The following OPTN variants were observed in gnomAD, a reference collection of about 807,000 sequenced individuals.
OPTN encodes optineurin, also known as E3-14.7K-interacting protein.
OPTN carries 54 observed loss-of-function variants against 70.4 expected under a neutral mutation model. The observed-to-expected ratio is 0.77, with a 90% CI of 0.62 to 0.96. The LOEUF is 0.96. Ranked by LOEUF, OPTN falls within the 40% of genes least tolerant of loss-of-function variation. The pLI is 0.00. For missense variants in OPTN, 624 were observed against 673.2 expected (o/e 0.93, Z 0.81); for synonymous variants, 256 against 248.5 (o/e 1.03, Z -0.28).
In OPTN at chr10:13,114,807, T is replaced by C. The variant is rs1384399533; in HGVS notation, c.553-1460T>C. ...ATAATTATATAATTATATATACATA[T>C]ATATAATTATATAATTATATAATTA... is the stretch of plus-strand genomic sequence containing the variant. On this transcript the variant is annotated intron_variant, in intron 5 of 14. Coordinates refer to ENST00000378747, the MANE Select transcript of OPTN (RefSeq NM_001008212.2). Among the ~76,000 whole-genome samples the C allele has an allele frequency of 4.5e-3, 36 of 7,954 alleles. 2 individuals carry two copies. Among genetic ancestry groups the C allele is most frequent in the South Asian group, 0.035 (11 of 310 alleles). 5.2% of individuals were successfully genotyped at this position (7,954 alleles called of 152,430 possible).
chr10:13,119,086 T>C (rs774127540), intron 7 of OPTN, 46 bp downstream of exon 7: 12 of 1,539,368 alleles, frequency 7.8e-6, no homozygotes, highest in Non-Finnish European at 1.1e-5. Context: ...TAAAACAGCT[T>C]TCCTGAGATA....
chr10:13,109,030 T>G, intron 2 of OPTN, 82 bp from the exon 3 acceptor site: 1 of 1,261,634 alleles, frequency 7.9e-7, no homozygotes, highest in Non-Finnish European at 1.2e-6. Context: ...GTATTAGCAA[T>G]CGCCAATGGG....
Position 13,125,930 on chromosome 10 carries a change from A to G in OPTN, c.1149-16A>G, listed in dbSNP as rs1477175827. 3 of 1,569,886 alleles carry G rather than the reference A, an allele frequency of 1.9e-6. No individual in the cohort carries two copies. Among genetic ancestry groups the G allele is most frequent in the Non-Finnish European group, 2.6e-6 (3 of 1,140,038 alleles). ...ATTTTCCCCAGGATTCCATTTTTTA[A>G]TATCTTTTTTAATAGGTCCAAATTA... is the stretch of plus-strand genomic sequence containing the variant. On this transcript the variant is annotated splice_polypyrimidine_tract_variant and intron_variant, in intron 10 of 14. Transcript: ENST00000378747.
In OPTN at chr10:13,136,894, G is replaced by C. The variant is rs1564370997; in HGVS notation, c.*28G>C. ...GTTGATGTATCACCTCCCCAAAACT[G>C]TTGGTAAATGTCAGATTTTTTCCTC... On this transcript the variant is annotated 3_prime_UTR_variant, in exon 15 of 15. Coordinates refer to ENST00000378747, the MANE Select transcript of OPTN (RefSeq NM_001008212.2). The C allele has an allele frequency of 6.2e-7, 1 of 1,613,916 alleles. No individual in the cohort carries two copies. The highest frequency in any genetic ancestry group is 8.5e-7 in the Non-Finnish European group (1 of 1,179,836).
chr10:13,129,325 G>A (rs1353975697), intron 12 of OPTN, among the ~76,000 whole-genome samples: 1 of 150,624 alleles, frequency 6.6e-6, no homozygotes, highest in Non-Finnish European at 1.5e-5. Context: ...CTTTGCTCTG[G>A]TACCATGCTG....
intron 1 of OPTN, among the ~76,000 whole-genome samples, chr10:13,105,337 T>C (rs1247103398): frequency 6.6e-6 from 1 of 152,216 alleles, no homozygotes; most frequent in African/African-American, 2.4e-5. Context: ...TTGTGGTCTT[T>C]CTAGAAACTA....
At position 13,136,848 on chromosome 10, in the gene OPTN, G is replaced by A. The variant is rs780161157; in HGVS notation, c.1716G>A (p.Val572=). ...LPDIDTLQIH[V]MDCII is the part of the protein sequence containing the mutation. Reference sequence around the variant, plus strand: ...ACATAGACACGTTACAGATTCACGTGATGGATTGCATCATTTAAGTGTTGA... The same window carrying A: ...ACATAGACACGTTACAGATTCACGTAATGGATTGCATCATTTAAGTGTTGA... Residue 572 remains valine, a synonymous_variant, in exon 15 of 15, where the codon GTG becomes GTA. Transcript: ENST00000378747. 3.7e-6 allele frequency: 6 copies of A among 1,614,216 alleles called. No individual in the cohort carries two copies. The South Asian group carries it at 6.6e-5, about 18-fold the overall frequency.
At chr10:13,134,876 G>A (rs141881593) in intron 14 of OPTN, among the ~76,000 whole-genome samples, 1,725 of 152,324 alleles carry the variant, frequency 0.011, 11 homozygotes, top group Admixed American at 0.016. Flanking sequence ...CATTTATTCA[G>A]CAGATACTTT....
chr10:13,133,798 C>T (rs1042919947), intron 14 of OPTN, among the ~76,000 whole-genome samples: 2 of 152,002 alleles, frequency 1.3e-5, no homozygotes, highest in African/African-American at 2.4e-5. Context: ...CTGGCACGGC[C>T]ACACTTTTTC....
rs1564358703 is a variant in OPTN at position 13,114,792 on chromosome 10, AAT to A, written c.553-1474_553-1473del. Among the ~76,000 whole-genome samples, 182 of 104,080 alleles carry A rather than the reference AAT, an allele frequency of 1.7e-3. 12 individuals are homozygous for A. The highest frequency in any genetic ancestry group is 2.9e-3 in the Non-Finnish European group (159 of 55,472). The allele number at this position is 104,080 out of a possible 152,430, so 68.3% of individuals were successfully genotyped here. ...TAATTATATAATTATATAATTATAT[AAT>A]TATATATACATATATATAATTATAT... On this transcript the variant is annotated intron_variant, in intron 5 of 14. Transcript: ENST00000378747.
In OPTN at chr10:13,136,909, A is replaced by AT. The variant is rs777606067; in HGVS notation, c.*49dup. On this transcript the variant is annotated 3_prime_UTR_variant, in exon 15 of 15. Transcript: ENST00000378747. ...CCCCAAAACTGTTGGTAAATGTCAG[A>AT]TTTTTTCCTCCAAGAGTTGTGCTTT... is the stretch of plus-strand genomic sequence containing the variant. The AT allele has an allele frequency of 6.2e-6, 10 of 1,612,660 alleles. No individual in the cohort carries two copies. In the South Asian group the frequency reaches 9.9e-5, roughly 16 times the overall value.
At chr10:13,114,764 ATATAATTATATAATTATATAAT>A (rs1168413025) in intron 5 of OPTN, among the ~76,000 whole-genome samples, 6 of 92,870 alleles carry the variant, frequency 6.5e-5, no homozygotes, top group African/African-American at 1.4e-4. Flanking sequence ...ATAATTGCAT[ATATAATTATATAATTATATAAT>A]TATATAATTA....
At chr10:13,106,854 T>C (rs1832876072) in intron 1 of OPTN, among the ~76,000 whole-genome samples, 2 of 152,206 alleles carry the variant, frequency 1.3e-5, no homozygotes, top group South Asian at 4.1e-4. Flanking sequence ...CAGGGACTGA[T>C]ATCATGTGTA....
chr10:13,118,582 TGAACTGTTCCGTGA>T (rs897840188), intron 6 of OPTN, among the ~76,000 whole-genome samples: 1 of 152,192 alleles, frequency 6.6e-6, no homozygotes, highest in Non-Finnish European at 1.5e-5. Flanking sequence ...CTGCCTCTGC[TGAACTGTTCCGTGA>T]GTTTTGTGGT....
intron 11 of OPTN, among the ~76,000 whole-genome samples, chr10:13,127,111 C>A (rs999579566): frequency 3.9e-5 from 6 of 152,144 alleles, no homozygotes; most frequent in South Asian, 4.1e-4. Flanking sequence ...TAGAAGGGAT[C>A]TTTGAATTTT....
intron 4 of OPTN, among the ~76,000 whole-genome samples, chr10:13,111,466 GGT>G (rs1469266246): frequency 3.3e-5 from 5 of 152,134 alleles, no homozygotes; most frequent in Non-Finnish European, 7.4e-5. Context: ...GGGAGGCTAG[GGT>G]GGGCAGATCA....
At chr10:13,121,582 G>T (rs1833353188) in intron 7 of OPTN, among the ~76,000 whole-genome samples, 1 of 151,682 alleles carries the variant, frequency 6.6e-6, no homozygotes. Context: ...TAATCTTAGG[G>T]GGAAAGCTAA....
intron 1 of OPTN, chr10:13,104,654 G>C: frequency 2.9e-6 from 2 of 688,998 alleles, no homozygotes; most frequent in Non-Finnish European, 5.5e-6. Context: ...CCCACTAGTC[G>C]CCATCTCCAC....
At chr10:13,114,812 A>T (rs1308492937) in intron 5 of OPTN, among the ~76,000 whole-genome samples, 1 of 8,180 alleles carries the variant, frequency 1.2e-4, no homozygotes, top group Middle Eastern at 0.5. Context: ...ACATATATAT[A>T]ATTATATAAT....
Sources: gnomAD v4.1 joint callset for allele counts (sites outside exome capture counted in the v4.1 genomes callset) on GRCh38, gnomAD v4.1.1 for gene constraint, MANE v1.5 for transcripts, NCBI Gene and HGNC (gene_info 2026-07-23, HGNC 2026-07-21) for gene names.